Variants in SLC25A53 observed in about 807,000 individuals in gnomAD.
SLC25A53 encodes the protein mitochondrial carrier triple repeat protein 6.
A neutral mutation model predicts 15.0 loss-of-function variants in SLC25A53; 5 were observed. That is an observed-to-expected ratio of 0.33 (90% confidence interval 0.17 to 0.70). The LOEUF is 0.70. Among genes scored for constraint, SLC25A53 ranks in the 30% least tolerant of loss-of-function variants. The pLI is 0.67. For synonymous variants in SLC25A53, 95 were observed against 100.0 expected (o/e 0.95, Z 0.30); for missense variants, 216 against 241.6 (o/e 0.89, Z 0.70).
intron 1 of SLC25A53, chrX:104,114,436 A>G (rs2075366290): frequency 8.3e-7 from 1 of 1,209,725 alleles, no homozygotes; most frequent in Non-Finnish European, 1.1e-6. Flanking sequence ...CCCCAACCTA[A>G]GTGTAGCAGA....
intron 1 of SLC25A53, chrX:104,112,245 A>C (rs782650627): frequency 8.9e-4 from 101 of 113,069 alleles, no homozygotes; most frequent in Non-Finnish European, 1.5e-3. Flanking sequence ...TATCCGGTCT[A>C]AAAGCCCGGA....
chrX:104,123,754 TC>T (rs1556363582), intron 1 of SLC25A53, among the ~76,000 whole-genome samples: 1 of 110,198 alleles, frequency 9.1e-6, no homozygotes, highest in East Asian at 2.9e-4. Flanking sequence ...GATGTTCCCC[TC>T]CCTGTGTCCA....
At chrX:104,134,853 T>C (rs2075432952) in intron 1 of SLC25A53, among the ~76,000 whole-genome samples, 1 of 111,273 alleles carries the variant, frequency 9.0e-6, no homozygotes, top group Non-Finnish European at 1.9e-5. Flanking sequence ...ATGTTACTCC[T>C]ATTGGAAACC....
intron 1 of SLC25A53, among the ~76,000 whole-genome samples, chrX:104,120,029 C>T (rs1556362359): frequency 8.9e-6 from 1 of 112,000 alleles, no homozygotes; most frequent in Non-Finnish European, 1.9e-5. Context: ...TTCTGAGATT[C>T]AACCTGGTTG....
intron 1 of SLC25A53, among the ~76,000 whole-genome samples, chrX:104,154,255 C>T (rs1398023340): frequency 8.9e-6 from 1 of 112,109 alleles, no homozygotes; most frequent in Admixed American, 9.4e-5. Context: ...CATCACTAAT[C>T]GCTAGGGACA....
intron 1 of SLC25A53, among the ~76,000 whole-genome samples, chrX:104,141,944 T>G (rs1261996755): frequency 8.9e-6 from 1 of 111,922 alleles, no homozygotes; most frequent in African/African-American, 3.3e-5. Flanking sequence ...AAACTATTGA[T>G]GTATATAAAA....
chrX:104,110,167 C>G (rs2075332575), intron 1 of SLC25A53, among the ~76,000 whole-genome samples: 1 of 111,999 alleles, frequency 8.9e-6, no homozygotes, highest in African/African-American at 3.3e-5. Flanking sequence ...AGTCCAGCTG[C>G]AAATACCTAA....
chrX:104,128,011 G>C (rs983790503), intron 1 of SLC25A53, among the ~76,000 whole-genome samples: 1 of 111,244 alleles, frequency 9.0e-6, no homozygotes, highest in Non-Finnish European at 1.9e-5. Context: ...TGGGATTCCA[G>C]GGTGGCAGAA....
At position 104,099,863 on chromosome X, in the gene SLC25A53, A is replaced by G; in HGVS notation, c.*4471T>C. The G allele has an allele frequency of 9.0e-6, 1 of 110,990 alleles. No individual in the cohort carries two copies. Among genetic ancestry groups the G allele is most frequent in the Non-Finnish European group, 1.9e-5 (1 of 53,011 alleles). 9.1% of individuals were successfully genotyped at this position (110,990 alleles called of 1,213,427 possible). A position where few individuals can be genotyped will look rare whatever the true frequency, so the allele number is the denominator to read the frequency against. ...TCTTTAAACTGGCAGTTCTCTTCTG[A>G]ATGTATCTGTTTTCTTAATGAAATA... On this transcript the variant is annotated 3_prime_UTR_variant, in exon 2 of 2. Transcript: ENST00000594199.
chrX:104,135,742 T>C (rs185776852), intron 1 of SLC25A53, among the ~76,000 whole-genome samples: 54 of 111,620 alleles, frequency 4.8e-4, no homozygotes, highest in Middle Eastern at 4.6e-3. Context: ...TAGTTCCCAC[T>C]GCTCAATCAG....
rs1406946939 is a variant in SLC25A53, at chrX:104,104,084, T to C, written c.*250A>G. ...ACACTTAATCTGGGTTACATGTTAT[T>C]TAAAGGCCTCCTGGCTCTGAGGCTA... On this transcript the variant is annotated 3_prime_UTR_variant, in exon 2 of 2. Transcript: ENST00000594199. The C allele has an allele frequency of 5.6e-6, 2 of 359,436 alleles. No individual in the cohort carries two copies. The highest frequency in any genetic ancestry group is 5.1e-5 in the African/African-American group (2 of 39,308). The allele number at this position is 359,436 out of a possible 1,213,427, so 29.6% of individuals were successfully genotyped here. A position where few individuals can be genotyped will look rare whatever the true frequency, so the allele number is the denominator to read the frequency against.
chrX:104,106,860 C>A (rs1556356320), intron 1 of SLC25A53, among the ~76,000 whole-genome samples: 2 of 108,530 alleles, frequency 1.8e-5, no homozygotes, highest in South Asian at 8.3e-4. Flanking sequence ...CATTCCTATC[C>A]CCACTGCTCC....
intron 1 of SLC25A53, chrX:104,115,444 G>C (rs916669276): frequency 4.3e-6 from 3 of 695,376 alleles, no homozygotes; most frequent in Non-Finnish European, 4.2e-6. Context: ...TTTCCTTTGG[G>C]AAGGAGAAGA....
At chrX:104,110,270 G>A (rs2075333359) in intron 1 of SLC25A53, among the ~76,000 whole-genome samples, 3 of 111,649 alleles carry the variant, frequency 2.7e-5, no homozygotes, top group African/African-American at 9.8e-5. Context: ...GCAAAAGTCT[G>A]AAGGAAACCT....
At chrX:104,125,605 T>C (rs2075408787) in intron 1 of SLC25A53, among the ~76,000 whole-genome samples, 1 of 112,096 alleles carries the variant, frequency 8.9e-6, no homozygotes, top group Non-Finnish European at 1.9e-5. Flanking sequence ...TATTATCCTA[T>C]GTGGGTTCAC....
intron 1 of SLC25A53, among the ~76,000 whole-genome samples, chrX:104,142,267 A>G (rs1476560317): frequency 8.9e-6 from 1 of 111,794 alleles, no homozygotes; most frequent in Non-Finnish European, 1.9e-5. Flanking sequence ...AGTTTCTGCC[A>G]GATTAAAAGA....
intron 1 of SLC25A53, among the ~76,000 whole-genome samples, chrX:104,144,618 T>C (rs1181780138): frequency 9.0e-6 from 1 of 111,702 alleles, no homozygotes; most frequent in Non-Finnish European, 1.9e-5. Context: ...CAAGATTTAA[T>C]ATTGTAGTTG....
At chrX:104,109,277 G>A (rs2075327185) in intron 1 of SLC25A53, among the ~76,000 whole-genome samples, 1 of 111,834 alleles carries the variant, frequency 8.9e-6, no homozygotes, top group Admixed American at 9.5e-5. Flanking sequence ...GCTGCATTGT[G>A]TTGTAGGGCA....
rs1253433246 is a variant in SLC25A53, at chrX:104,155,292, T to C, written c.-32+1586A>G. Among the ~76,000 whole-genome samples, 5 of 110,564 alleles carry C rather than the reference T, an allele frequency of 4.5e-5. No homozygotes were observed. In the East Asian group the frequency reaches 1.4e-3, roughly 31 times the overall value. On this transcript the variant is annotated intron_variant, in intron 1 of 1. Coordinates refer to ENST00000594199, the MANE Select transcript of SLC25A53 (RefSeq NM_001012755.5). ...CCAGGAGATATTCTTTCCAATTTATTGTCAGCTCCGTTTAGACCTATAGTT... is the reference window on the plus strand; with the variant it reads ...CCAGGAGATATTCTTTCCAATTTATCGTCAGCTCCGTTTAGACCTATAGTT...
Sources: allele counts gnomAD v4.1 joint callset (sites outside exome capture counted in the v4.1 genomes callset), GRCh38; gene constraint gnomAD v4.1.1; transcripts MANE v1.5; gene names NCBI Gene and HGNC (gene_info 2026-07-23, HGNC 2026-07-21).